Variants in WDFY4 observed in about 807,000 individuals in gnomAD.
WDFY4 encodes the protein WD repeat- and FYVE domain-containing protein 4.
WDFY4 carries 169 observed loss-of-function variants against 351.9 expected under a neutral mutation model. The ratio of observed to expected loss-of-function variants is 0.48; its 90% confidence interval spans 0.42 to 0.55. The LOEUF is 0.55. Among genes scored for constraint, WDFY4 ranks in the 20% least tolerant of loss-of-function variants. The pLI is 0.00. For missense variants in WDFY4, 3,803 were observed against 3,935.6 expected, an observed-to-expected ratio of 0.97 and a Z score of 0.90; for synonymous variants, 1,622 against 1,574.6, an observed-to-expected ratio of 1.03 and a Z score of -0.71.
chr10:48,722,811 C>T (rs999612598), intron 4 of WDFY4, among the ~76,000 whole-genome samples: 1 of 152,268 alleles, frequency 6.6e-6, no homozygotes, highest in Non-Finnish European at 1.5e-5. Flanking sequence ...AAGCTCCTGG[C>T]AGGCTGGTCT....
intron 43 of WDFY4, among the ~76,000 whole-genome samples, chr10:48,890,027 C>T (rs1479687260): frequency 6.6e-6 from 1 of 152,212 alleles, no homozygotes; most frequent in African/African-American, 2.4e-5. Context: ...GGGAAATGCT[C>T]ACCTCGGTCC....
At chr10:48,942,393 T>C (rs990384581) in intron 48 of WDFY4, among the ~76,000 whole-genome samples, 10 of 151,918 alleles carry the variant, frequency 6.6e-5, no homozygotes, top group African/African-American at 1.9e-4. Flanking sequence ...TGTGTGTGTG[T>C]GCGCGCACGC....
At chr10:48,849,417 C>A (rs561191372) in intron 39 of WDFY4, among the ~76,000 whole-genome samples, 2 of 152,258 alleles carry the variant, frequency 1.3e-5, no homozygotes, top group African/African-American at 4.8e-5. Flanking sequence ...TGTTAAGTAC[C>A]AGATGAAGTG....
intron 1 of WDFY4, among the ~76,000 whole-genome samples, chr10:48,685,642 A>C (rs2063023052): frequency 6.6e-6 from 1 of 152,166 alleles, no homozygotes; most frequent in East Asian, 1.9e-4. Flanking sequence ...GTAAGGACTG[A>C]TTCTTCTTTT....
rs1410464063 is a variant in WDFY4, at chr10:48,949,916, T to A, written c.7977+2947T>A. ...CAAGGAGGTGGGTAGGAGGATCACC[T>A]CTGAAGGCCTTTCCGTAACAGCTCC... On this transcript the variant is annotated intron_variant, in intron 51 of 61. Coordinates refer to ENST00000325239, the MANE Select transcript of WDFY4 (RefSeq NM_001394531.1). Among the ~76,000 whole-genome samples, 5 of 152,096 alleles carry A rather than the reference T, an allele frequency of 3.3e-5. No homozygotes were observed. In the East Asian group the frequency reaches 9.6e-4, roughly 29 times the overall value.
At chr10:48,877,339 G>A in intron 43 of WDFY4, 140 bp downstream of exon 43, 1 of 818,938 alleles carries the variant, frequency 1.2e-6, no homozygotes, top group Non-Finnish European at 1.8e-6. Context: ...ACAATAATCA[G>A]TGAAAAAAGG....
At chr10:48,913,080 G>A (rs1838153209) in intron 47 of WDFY4, among the ~76,000 whole-genome samples, 2 of 152,164 alleles carry the variant, frequency 1.3e-5, no homozygotes, top group South Asian at 4.1e-4. Context: ...TAGCTGCTTA[G>A]GCCACAGTGG....
Position 48,822,400 on chromosome 10 carries a change from A to G in WDFY4, c.5845A>G (p.Ser1949Gly), listed in dbSNP as rs981221351. The change falls in exon 35 of 62, where the codon AGT becomes GGT. Residue 1949 changes from serine to glycine, a missense_variant. Ser to Gly is a moderately conservative substitution (Grantham distance 56, BLOSUM62 0). This residue lies in a region of WDFY4 where 3,054 missense variants were observed against 3,148.6 expected (regional missense o/e 0.97). Coordinates refer to ENST00000325239, the MANE Select transcript of WDFY4 (RefSeq NM_001394531.1). ...MFRDGKEPQP[S>G]AEAAAAPSLA... ...CACAGACGGCAAAGAGCCTCAGCCAAGTGCAGAAGCTGCTGCTGCCCCTTC... is the reference window on the plus strand; with the variant it reads ...CACAGACGGCAAAGAGCCTCAGCCAGGTGCAGAAGCTGCTGCTGCCCCTTC... 1.9e-6 allele frequency: 3 copies of G among 1,548,652 alleles called. No homozygotes were observed. In the Admixed American group the frequency reaches 5.9e-5, roughly 31 times the overall value.
At chr10:48,752,067 G>T (rs953635008) in intron 12 of WDFY4, among the ~76,000 whole-genome samples, 2 of 152,170 alleles carry the variant, frequency 1.3e-5, no homozygotes, top group East Asian at 1.9e-4. Context: ...GATACAAGCC[G>T]TCTGGGAACA....
intron 10 of WDFY4, among the ~76,000 whole-genome samples, 173 bp downstream of exon 10, chr10:48,734,208 A>G (rs1180638367): frequency 6.6e-6 from 1 of 152,232 alleles, no homozygotes; most frequent in Non-Finnish European, 1.5e-5. Flanking sequence ...AAATTCGTAG[A>G]TACTATACCT....
chr10:48,966,627 T>G lies in WDFY4; in HGVS notation c.8538T>G (p.Phe2846Leu), dbSNP rs758158425. The change falls in exon 55 of 62, where the codon TTT becomes TTG. Residue 2846 changes from phenylalanine to leucine, a missense_variant. Physicochemically the swap from Phe to Leu is conservative, Grantham distance 22 (BLOSUM62 0). This residue lies in a region of WDFY4 where 3,054 missense variants were observed against 3,148.6 expected (regional missense o/e 0.97). Transcript: ENST00000325239. ...GCCTGCCTGGCCACCCACAGCCCTT[T>G]TTCTACAGCCTGCAGTCGCTGAGGC... ...PVSLPGHPQP[F>L]FYSLQSLRPS... 2 of 1,551,912 alleles carry G rather than the reference T, an allele frequency of 1.3e-6. No homozygotes were observed. Among genetic ancestry groups the G allele is most frequent in the South Asian group, 2.4e-5 (2 of 84,060 alleles).
At chr10:48,896,823 A>G (rs1265123039) in intron 44 of WDFY4, among the ~76,000 whole-genome samples, 3 of 152,088 alleles carry the variant, frequency 2.0e-5, no homozygotes, top group African/African-American at 7.2e-5. Context: ...CACAGGCCAC[A>G]CCTGACTCAG....
chr10:48,913,264 T>C (rs1011488754), intron 47 of WDFY4: 9 of 861,552 alleles, frequency 1.0e-5, no homozygotes, highest in South Asian at 3.4e-5. Flanking sequence ...AGGAAAGGAG[T>C]TTTATGGGCT....
rs2068090754 is a variant in WDFY4 at position 48,828,907 on chromosome 10, T to C, written c.6340+11T>C. 2 of 719,308 alleles carry C rather than the reference T, an allele frequency of 2.8e-6. No homozygotes were observed. The highest frequency in any genetic ancestry group is 3.9e-6 in the Non-Finnish European group (2 of 512,728). 44.6% of individuals were successfully genotyped at this position (719,308 alleles called of 1,614,324 possible). ...CAAGTTTGAGTGATGGTACATTTTA[T>C]TTGTCATTGTGTGTGTGGGCGGGGG... On this transcript the variant is annotated intron_variant, in intron 37 of 61. Coordinates refer to ENST00000325239, the MANE Select transcript of WDFY4 (RefSeq NM_001394531.1).
intron 1 of WDFY4, among the ~76,000 whole-genome samples, chr10:48,688,036 G>A (rs758337899): frequency 2.0e-5 from 3 of 152,076 alleles, no homozygotes; most frequent in Non-Finnish European, 4.4e-5. Context: ...ACCCACCTCG[G>A]CCTCCCAAAG....
chr10:48,824,041 C>A (rs1362754758), intron 35 of WDFY4: 5 of 985,310 alleles, frequency 5.1e-6, no homozygotes, highest in Non-Finnish European at 6.0e-6. Context: ...ATTATGGATT[C>A]TTTTCATGGA....
chr10:48,830,521 G>A (rs781248883), intron 37 of WDFY4, among the ~76,000 whole-genome samples, 179 bp from the exon 38 acceptor site: 1 of 152,182 alleles, frequency 6.6e-6, no homozygotes, highest in Non-Finnish European at 1.5e-5. Context: ...TGGCATTGTT[G>A]TCAGGCCTGT....
chr10:48,803,263 ATG>A (rs2067144034), intron 24 of WDFY4, 21 bp from the exon 25 acceptor site: 1 of 1,550,812 alleles, frequency 6.4e-7, no homozygotes, highest in African/African-American at 1.4e-5. Flanking sequence ...TCATTTTAGC[ATG>A]TGTTTTGTTT....
At position 48,734,018 on chromosome 10, in the gene WDFY4, G is replaced by T; in HGVS notation, c.1670G>T (p.Gly557Val). The T allele has an allele frequency of 6.4e-7, 1 of 1,552,060 alleles. No homozygotes were observed. The highest frequency in any genetic ancestry group is 8.7e-7 in the Non-Finnish European group (1 of 1,147,076). The change falls in exon 10 of 62, where the codon GGC becomes GTC. Residue 557 changes from glycine to valine, a missense_variant. Coordinates refer to ENST00000325239, the MANE Select transcript of WDFY4 (RefSeq NM_001394531.1). ...MLRIVVTLLK[G>V]SVRNAVVLKD... ...AGGATTGTAGTCACACTTCTGAAAG[G>T]CTCGGTGAGGAATGCAGGTAAGGAT...
Sources: gnomAD v4.1 joint callset for allele counts (sites outside exome capture counted in the v4.1 genomes callset) on GRCh38, gnomAD v4.1.1 for gene constraint, gnomAD v4.1.1 regional missense constraint, MANE v1.5 for transcripts, NCBI Gene and HGNC (gene_info 2026-07-23, HGNC 2026-07-21) for gene names.